Variants in NAALADL2 observed in about 807,000 individuals in gnomAD.
The protein encoded by NAALADL2 is N-acetylated alpha-linked acidic dipeptidase like 2.
Under a neutral mutation model 87.2 loss-of-function variants are expected in NAALADL2, and 76 were observed. That is an observed-to-expected ratio of 0.87 (90% CI 0.72 to 1.05). The LOEUF is 1.05. Among genes scored for constraint, NAALADL2 ranks in the 50% least tolerant of loss-of-function variants. NAALADL2 has a pLI of 0.00. For missense variants in NAALADL2, 1,089 were observed against 945.8 expected, an observed-to-expected ratio of 1.15 and a Z score of -1.99; for synonymous variants, 354 against 331.0, an observed-to-expected ratio of 1.07 and a Z score of -0.75.
intron 3 of NAALADL2, among the ~76,000 whole-genome samples, chr3:174,761,912 C>T (rs1027857945): frequency 2.0e-5 from 3 of 151,952 alleles, no homozygotes; most frequent in African/African-American, 7.2e-5. Flanking sequence ...AATGGCAAAG[C>T]CTGCAATTGC....
At chr3:175,544,417 G>A (rs1051363212) in intron 9 of NAALADL2, among the ~76,000 whole-genome samples, 2 of 152,032 alleles carry the variant, frequency 1.3e-5, no homozygotes, top group African/African-American at 2.4e-5. Flanking sequence ...AGATGGTCTC[G>A]GTTTTGAGTC....
chr3:175,794,555 A>C (rs533863025), intron 13 of NAALADL2, among the ~76,000 whole-genome samples: 2 of 152,286 alleles, frequency 1.3e-5, no homozygotes, highest in African/African-American at 4.8e-5. Context: ...GTGCAGTGGA[A>C]TGGGAGTCTT....
intron 2 of NAALADL2, among the ~76,000 whole-genome samples, chr3:175,171,927 G>C (rs1219112316): frequency 6.6e-6 from 1 of 152,070 alleles, no homozygotes; most frequent in Non-Finnish European, 1.5e-5. Context: ...TGGCAGTTGG[G>C]GGGATAAAGA....
intron 4 of NAALADL2, among the ~76,000 whole-genome samples, chr3:175,282,760 A>G (rs1389840623): frequency 6.6e-6 from 1 of 152,072 alleles, no homozygotes; most frequent in Non-Finnish European, 1.5e-5. Flanking sequence ...AGGGATCATT[A>G]TGCAGTTCTG....
intron 2 of NAALADL2, among the ~76,000 whole-genome samples, chr3:174,665,008 T>G (rs1340492576): frequency 6.6e-6 from 1 of 152,198 alleles, no homozygotes; most frequent in Non-Finnish European, 1.5e-5. Flanking sequence ...TAGCTTGCTG[T>G]TTTTCATTTT....
At chr3:175,287,164 C>G (rs9846521) in intron 4 of NAALADL2, among the ~76,000 whole-genome samples, 1 of 151,924 alleles carries the variant, frequency 6.6e-6, no homozygotes, top group Non-Finnish European at 1.5e-5. Flanking sequence ...TTCTTCATTT[C>G]TTTTAGTAGT....
chr3:175,654,132 A>G (rs1283765560), intron 11 of NAALADL2, among the ~76,000 whole-genome samples: 1 of 152,124 alleles, frequency 6.6e-6, no homozygotes, highest in Non-Finnish European at 1.5e-5. Flanking sequence ...TGTAGTTCTG[A>G]TCATAAACCT....
At position 175,722,862 on chromosome 3, in the gene NAALADL2, G is replaced by A. The variant is rs76602409; in HGVS notation, c.1897-14444G>A. Among the ~76,000 whole-genome samples, 207 of 152,186 alleles carry A rather than the reference G, an allele frequency of 1.4e-3. 2 individuals are homozygous for A. The highest frequency in any genetic ancestry group is 4.6e-3 in the African/African-American group (191 of 41,536). On this transcript the variant is annotated intron_variant, in intron 11 of 13. Transcript: ENST00000454872. ...GCAAAAACCATAGATGCACTATATA[G>A]CCTCTTTATCAGACCAGTGTGCTAA...
rs187432445 is a variant in NAALADL2 at position 175,508,945 on chromosome 3, A to T, written c.1653+37187A>T. 2.8e-3 allele frequency among the ~76,000 whole-genome samples: 419 copies of T among 151,928 alleles called. 4 individuals are homozygous for T. The highest frequency in any genetic ancestry group is 9.5e-3 in the African/African-American group (394 of 41,444). On this transcript the variant is annotated intron_variant, in intron 9 of 13. Transcript: ENST00000454872. ...AGCCTGGTCAACATGGTGAAACCCTATCTCTACTAAAAATACAAAAATTAG... is the reference window on the plus strand; with the variant it reads ...AGCCTGGTCAACATGGTGAAACCCTTTCTCTACTAAAAATACAAAAATTAG...
rs566281984 is a variant in NAALADL2, at chr3:175,402,612, T to C, written c.1091-44617T>C. ...TTTCCAGCTATACTATACTAAGTAT[T>C]TGTAGTCTCCATAGATGTCATCCTG... On this transcript the variant is annotated intron_variant, in intron 5 of 13. Transcript: ENST00000454872. 3.2e-3 allele frequency among the ~76,000 whole-genome samples: 492 copies of C among 152,206 alleles called. 3 individuals carry two copies. The highest frequency in any genetic ancestry group is 5.3e-3 in the Non-Finnish European group (362 of 67,974).
At chr3:175,535,236 G>T (rs998979593) in intron 9 of NAALADL2, among the ~76,000 whole-genome samples, 1 of 152,198 alleles carries the variant, frequency 6.6e-6, no homozygotes, top group African/African-American at 2.4e-5. Flanking sequence ...GACCTTGAAT[G>T]AGCATAAGTG....
chr3:175,615,979 ATATAT>A (rs1165972019), intron 10 of NAALADL2, among the ~76,000 whole-genome samples: 9 of 147,404 alleles, frequency 6.1e-5, no homozygotes, highest in Non-Finnish European at 8.9e-5. Context: ...TACTTATAAT[ATATAT>A]TATATCATAT....
At chr3:175,518,831 T>G (rs1732242587) in intron 9 of NAALADL2, among the ~76,000 whole-genome samples, 1 of 152,214 alleles carries the variant, frequency 6.6e-6, no homozygotes, top group Admixed American at 6.5e-5. Flanking sequence ...GGATTAAGTT[T>G]CGTAGATCAA....
chr3:174,802,464 C>T (rs749179648), intron 3 of NAALADL2, among the ~76,000 whole-genome samples: 8 of 152,126 alleles, frequency 5.3e-5, no homozygotes, highest in Non-Finnish European at 1.2e-4. Context: ...TACATGACTT[C>T]TGTATATAAT....
intron 2 of NAALADL2, among the ~76,000 whole-genome samples, chr3:175,103,076 C>G (rs967581401): frequency 6.7e-6 from 1 of 149,250 alleles, no homozygotes; most frequent in African/African-American, 2.5e-5. Flanking sequence ...CCACTGCATT[C>G]CAGCCAAACG....
chr3:174,850,399 A>C (rs1725116128), intron 3 of NAALADL2, among the ~76,000 whole-genome samples: 1 of 152,198 alleles, frequency 6.6e-6, no homozygotes, highest in Non-Finnish European at 1.5e-5. Flanking sequence ...ACATATAAAG[A>C]CACACTAAAC....
At chr3:174,501,383 T>C (rs1413803827) in intron 1 of NAALADL2, among the ~76,000 whole-genome samples, 1 of 152,208 alleles carries the variant, frequency 6.6e-6, no homozygotes, top group Non-Finnish European at 1.5e-5. Flanking sequence ...CGGCCTTTTT[T>C]TTCTTATACT....
chr3:174,607,120 A>G (rs1422664616), intron 2 of NAALADL2, among the ~76,000 whole-genome samples: 8 of 152,160 alleles, frequency 5.3e-5, no homozygotes, highest in Non-Finnish European at 1.2e-4. Flanking sequence ...AAATGCTGAG[A>G]GATTTTGTCA....
intron 2 of NAALADL2, among the ~76,000 whole-genome samples, chr3:174,735,768 C>A (rs543259459): frequency 6.6e-6 from 1 of 152,096 alleles, no homozygotes; most frequent in Non-Finnish European, 1.5e-5. Flanking sequence ...TCCCACTGTT[C>A]CAGGATCCTC....
Sources: allele counts gnomAD v4.1 joint callset (sites outside exome capture counted in the v4.1 genomes callset), GRCh38; gene constraint gnomAD v4.1.1; transcripts MANE v1.5; gene names NCBI Gene and HGNC (gene_info 2026-07-23, HGNC 2026-07-21).